The following SHISA9 variants were observed in gnomAD, a reference collection of about 807,000 sequenced individuals.
The protein encoded by SHISA9 is protein shisa-9.
A neutral mutation model predicts 38.0 loss-of-function variants in SHISA9; 13 were observed. That is an observed-to-expected ratio of 0.34 (90% CI 0.22 to 0.54). The LOEUF (loss-of-function observed/expected upper bound fraction) is 0.54. Ranked by LOEUF, SHISA9 falls within the 20% of genes least tolerant of loss-of-function variation. The pLI is 0.91. For synonymous variants in SHISA9, 275 were observed against 242.0 expected, an observed-to-expected ratio of 1.14 and a Z score of -1.27; for missense variants, 538 against 575.8, an observed-to-expected ratio of 0.93 and a Z score of 0.67.
At chr16:13,401,870 G>T in the SHISA9 span, among the ~76,000 whole-genome samples, 5 of 152,292 alleles carry the variant, frequency 3.3e-5, no homozygotes, top group South Asian at 1.0e-3. Context: ...TCATGGCAGA[G>T]GGCCAGGAGA....
intron 2 of SHISA9, among the ~76,000 whole-genome samples, chr16:12,992,498 C>G (rs1453198462): frequency 2.0e-5 from 3 of 152,016 alleles, no homozygotes; most frequent in Non-Finnish European, 4.4e-5. Flanking sequence ...TGCCACTGGA[C>G]TCCAGCCTGG....
At chr16:12,911,115 G>C (rs925932678) in intron 1 of SHISA9, 3 of 301,416 alleles carry the variant, frequency 1.0e-5, no homozygotes, top group Non-Finnish European at 1.5e-5. Context: ...AGTACGCTTA[G>C]GGTCTTGTCA....
At chr16:13,305,857 T>G in the SHISA9 span, among the ~76,000 whole-genome samples, 1 of 152,236 alleles carries the variant, frequency 6.6e-6, no homozygotes, top group African/African-American at 2.4e-5. Flanking sequence ...TGGGATAATT[T>G]GTTAAATGGA....
chr16:12,916,552 A>G (rs2071259529), intron 1 of SHISA9, 136 bp from the exon 2 acceptor site: 13 of 1,037,168 alleles, frequency 1.3e-5, no homozygotes, highest in Non-Finnish European at 1.8e-5. Context: ...GTTTTTCTCT[A>G]CTCCACCCCT....
chr16:13,288,805 A>G, the SHISA9 span, among the ~76,000 whole-genome samples: 12 of 152,102 alleles, frequency 7.9e-5, no homozygotes, highest in Non-Finnish European at 1.3e-4. Flanking sequence ...AAAAACAAAA[A>G]CAAAAACAAC....
At chr16:13,449,245 C>G in the SHISA9 span, among the ~76,000 whole-genome samples, 1 of 152,080 alleles carries the variant, frequency 6.6e-6, no homozygotes, top group Non-Finnish European at 1.5e-5. Flanking sequence ...ACAAAGACAG[C>G]AAGAAATAGA....
chr16:13,406,714 A>G, the SHISA9 span, among the ~76,000 whole-genome samples: 3 of 152,158 alleles, frequency 2.0e-5, no homozygotes, highest in Non-Finnish European at 4.4e-5. Flanking sequence ...ATCACTTTCT[A>G]GGTGTGTGAC....
At chr16:13,037,083 C>CACACACA (rs1181431687) in intron 2 of SHISA9, among the ~76,000 whole-genome samples, 1 of 69,194 alleles carries the variant, frequency 1.4e-5, no homozygotes, top group African/African-American at 5.6e-5. Context: ...CACACACACA[C>CACACACA]CACACCACAC....
intron 2 of SHISA9, among the ~76,000 whole-genome samples, chr16:13,112,162 C>T (rs1567215947): frequency 2.0e-5 from 3 of 151,976 alleles, no homozygotes; most frequent in South Asian, 2.1e-4. Context: ...TTTCATGATT[C>T]GTCAGAAAAA....
chr16:12,998,862 A>G (rs2141839451), intron 2 of SHISA9, among the ~76,000 whole-genome samples: 1 of 152,344 alleles, frequency 6.6e-6, no homozygotes, highest in African/African-American at 2.4e-5. Context: ...GTTGATCCTC[A>G]TTATTCATGG....
At chr16:13,317,850 T>C in the SHISA9 span, among the ~76,000 whole-genome samples, 22 of 152,126 alleles carry the variant, frequency 1.4e-4, no homozygotes, top group African/African-American at 4.8e-4. Context: ...GTATCTAAAG[T>C]CCCTAAGATT....
intron 2 of SHISA9, among the ~76,000 whole-genome samples, chr16:13,119,111 G>A (rs72784472): frequency 0.24 from 35,833 of 151,308 alleles, 4,628 homozygotes; most frequent in South Asian, 0.35. Flanking sequence ...CAGGTGATCC[G>A]CCCACTTCGG....
intron 2 of SHISA9, among the ~76,000 whole-genome samples, chr16:13,056,786 G>GAGTA (rs1307887685): frequency 6.6e-6 from 1 of 152,234 alleles, no homozygotes; most frequent in African/African-American, 2.4e-5. Flanking sequence ...AGCAGTCAGT[G>GAGTA]AGTGCTACAT....
chr16:13,525,240 G>A, the SHISA9 span, among the ~76,000 whole-genome samples: 62 of 152,186 alleles, frequency 4.1e-4, no homozygotes, highest in African/African-American at 1.3e-3. Context: ...TTGTTATGTC[G>A]TCAGAGCTAC....
chr16:13,095,168 G>A (rs1478620261), intron 2 of SHISA9, among the ~76,000 whole-genome samples: 1 of 152,204 alleles, frequency 6.6e-6, no homozygotes, highest in Non-Finnish European at 1.5e-5. Context: ...TGGGCAACGT[G>A]TATTTGGAGC....
chr16:13,018,726 C>T (rs759609257), intron 2 of SHISA9, among the ~76,000 whole-genome samples: 2 of 152,096 alleles, frequency 1.3e-5, no homozygotes, highest in African/African-American at 2.4e-5. Context: ...TCAACTTTGG[C>T]GACACAAATT....
At chr16:12,967,111 T>C (rs1304291563) in intron 2 of SHISA9, among the ~76,000 whole-genome samples, 1 of 152,226 alleles carries the variant, frequency 6.6e-6, no homozygotes, top group Non-Finnish European at 1.5e-5. Context: ...CATGCACACG[T>C]ATGTTTATTG....
At chr16:13,157,857 A>T (rs2050560824) in intron 2 of SHISA9, among the ~76,000 whole-genome samples, 1 of 152,100 alleles carries the variant, frequency 6.6e-6, no homozygotes, top group African/African-American at 2.4e-5. Context: ...TCTTGTTCTG[A>T]GAGGAGGGCT....
At chr16:13,079,614 C>A (rs1034905965) in intron 2 of SHISA9, among the ~76,000 whole-genome samples, 2 of 152,332 alleles carry the variant, frequency 1.3e-5, no homozygotes, top group Admixed American at 6.5e-5. Flanking sequence ...CAACGCATTT[C>A]TCCTGGAAGA....
Sources: allele counts gnomAD v4.1 joint callset (sites outside exome capture counted in the v4.1 genomes callset), GRCh38; gene constraint gnomAD v4.1.1; transcripts MANE v1.5; gene names NCBI Gene and HGNC (gene_info 2026-07-23, HGNC 2026-07-21).